The following ADARB1 variants were observed in gnomAD, a reference collection of about 807,000 sequenced individuals.
ADARB1 encodes the protein adenosine deaminase RNA specific B1.
In ADARB1, 10 loss-of-function variants were observed where a neutral mutation model predicts 52.4. The ratio of observed to expected loss-of-function variants is 0.19; its 90% CI spans 0.12 to 0.32. The LOEUF (loss-of-function observed/expected upper bound fraction) is 0.32. Ranked by LOEUF, ADARB1 falls within the 10% of genes least tolerant of loss-of-function variation. The probability of loss-of-function intolerance (pLI) is 1.00; values close to 1 mark genes in which losing one functional copy is unlikely to be tolerated. For missense variants in ADARB1, 643 were observed against 922.3 expected (o/e 0.70, Z 3.92); for synonymous variants, 349 against 371.1 (o/e 0.94, Z 0.68).
At position 45,204,808 on chromosome 21, in the gene ADARB1, A is replaced by G. The variant is rs544628519; in HGVS notation, c.1747+72A>G. 4 of 1,499,606 alleles carry G rather than the reference A, an allele frequency of 2.7e-6. No homozygotes were observed. Among genetic ancestry groups the G allele is most frequent in the Middle Eastern group, 3.5e-4 (2 of 5,720 alleles). 92.9% of individuals were successfully genotyped at this position (1,499,606 alleles called of 1,614,324 possible). A position where few individuals can be genotyped will look rare whatever the true frequency, so the allele number is the denominator to read the frequency against. The stretch of plus-strand genomic sequence containing the variant: ...CAATGTTTTCATCCTCATGAATGAA[A>G]AAAACACCACCTGAGCTGCTCTGTG... On this transcript the variant is annotated intron_variant, in intron 9 of 10. Transcript: ENST00000348831. The surrounding 1 kb of genome is among the most constrained non-coding windows in gnomAD (Gnocchi z 4.4).
intron 8 of ADARB1, among the ~76,000 whole-genome samples, chr21:45,201,946 T>TG (rs2092563345): frequency 6.6e-6 from 1 of 152,072 alleles, no homozygotes; most frequent in South Asian, 2.1e-4. Context: ...GGTGGACCTG[T>TG]GGACAGAAGC....
intron 2 of ADARB1, among the ~76,000 whole-genome samples, chr21:45,151,249 G>A (rs951680626): frequency 6.6e-6 from 1 of 152,206 alleles, no homozygotes; most frequent in Admixed American, 6.5e-5. Flanking sequence ...AGATGCTGAG[G>A]CAATAGAAAA....
chr21:45,225,192 CAGGT>C lies in ADARB1; in HGVS notation c.*2996_*2999del. 9.5e-7 allele frequency: 1 copy of C among 1,049,310 alleles called. No individual in the cohort carries two copies. Among genetic ancestry groups the C allele is most frequent in the Non-Finnish European group, 1.1e-6 (1 of 872,552 alleles). 65.0% of individuals were successfully genotyped at this position (1,049,310 alleles called of 1,614,324 possible). ...ACAGAGTCCTGCTAGTGGGAGGTCT[CAGGT>C]GGGGCGGTGTGTTCTGTGCCATGAG... On this transcript the variant is annotated 3_prime_UTR_variant, in exon 11 of 11. Transcript: ENST00000348831.
chr21:45,075,441 C>T (rs922305436), intron 1 of ADARB1, among the ~76,000 whole-genome samples: 2 of 151,906 alleles, frequency 1.3e-5, no homozygotes, highest in African/African-American at 2.4e-5. Context: ...GACGAGTCTG[C>T]GCCCTGGACG....
rs775309350 is a variant in ADARB1, at chr21:45,098,133, C to T, written c.-220+23340C>T. ...TCCCACCCGGGTGCTTGCCTTTCCA[C>T]GTCTCCCTGCTGTCCAGCAGCTGGC... On this transcript the variant is annotated intron_variant, in intron 1 of 10. Transcript: ENST00000348831. 2.7e-4 allele frequency among the ~76,000 whole-genome samples: 41 copies of T among 152,172 alleles called. 1 individual carries two copies. The highest frequency in any genetic ancestry group is 5.3e-4 in the Non-Finnish European group (36 of 68,038).
rs1434487446 is a variant in ADARB1 at position 45,156,666 on chromosome 21, C to G, written c.-47-14944C>G. 4.6e-5 allele frequency among the ~76,000 whole-genome samples: 7 copies of G among 150,732 alleles called. No homozygotes were observed. In the Admixed American group the frequency reaches 4.6e-4, roughly 10 times the overall value. On this transcript the variant is annotated intron_variant, in intron 2 of 10. Coordinates refer to ENST00000348831, the MANE Select transcript of ADARB1 (RefSeq NM_001112.4). The stretch of plus-strand genomic sequence containing the variant: ...CATCTGTCATCCATTCATCCATCCA[C>G]CCCCCCACGCACCCACTTCTCTACA...
At chr21:45,175,482 G>T (rs1299115384) in intron 3 of ADARB1, among the ~76,000 whole-genome samples, 2 of 152,154 alleles carry the variant, frequency 1.3e-5, no homozygotes, top group Non-Finnish European at 2.9e-5. Flanking sequence ...ACTTTTTAAA[G>T]CAAAAGCAGT....
In ADARB1 at chr21:45,220,643, G is replaced by C. The variant is rs766328353; in HGVS notation, c.1748-193G>C. 6.6e-6 allele frequency among the ~76,000 whole-genome samples: 1 copy of C among 152,190 alleles called. No homozygotes were observed. The highest frequency in any genetic ancestry group is 1.5e-5 in the Non-Finnish European group (1 of 68,030). On this transcript the variant is annotated intron_variant, in intron 9 of 10. Transcript: ENST00000348831. This position sits in a 1 kb window ranked among gnomAD's most constrained non-coding sequence, Gnocchi z 6.3. ...GCTTTCTCAGCACTGCTCCTATTCT[G>C]GTGGCCGTGGAAGAGTGTGAGGCCA...
At position 45,220,859 on chromosome 21, in the gene ADARB1, C is replaced by G; in HGVS notation, c.1771C>G (p.Gln591Glu). 6.2e-7 allele frequency: 1 copy of G among 1,613,348 alleles called. No homozygotes were observed. Among genetic ancestry groups the G allele is most frequent in the Non-Finnish European group, 8.5e-7 (1 of 1,179,850 alleles). Residue 591 changes from glutamine to glutamate, a missense_variant, in exon 10 of 11, where the codon CAG becomes GAG. Gln to Glu is a conservative substitution (Grantham distance 29, BLOSUM62 2). Around this residue, in one of 2 missense-constraint regions of ADARB1, gnomAD observed 263 missense variants for 475.8 expected, o/e 0.55. Transcript: ENST00000348831. This position sits in a 1 kb window ranked among gnomAD's most constrained non-coding sequence, Gnocchi z 6.3. ...LSGISNAEARQPGKAPNFSVN... is the reference protein window; with the variant it reads ...LSGISNAEAREPGKAPNFSVN... ...AGGCATCAGCAATGCAGAAGCACGG[C>G]AGCCAGGGAAGGCCCCCAACTTCAG...
At chr21:45,089,572 T>C (rs985483303) in intron 1 of ADARB1, among the ~76,000 whole-genome samples, 2 of 152,244 alleles carry the variant, frequency 1.3e-5, no homozygotes, top group African/African-American at 4.8e-5. Context: ...TATTTTTCTT[T>C]AATTTCTTCT....
At chr21:45,173,805 A>G (rs2091581507) in intron 3 of ADARB1, among the ~76,000 whole-genome samples, 3 of 151,868 alleles carry the variant, frequency 2.0e-5, no homozygotes. Flanking sequence ...ATAAATGAAA[A>G]TTTAGTGTCC....
At chr21:45,152,632 T>G in intron 2 of ADARB1, 1 of 450,056 alleles carries the variant, frequency 2.2e-6, no homozygotes, top group Non-Finnish European at 4.5e-6. Context: ...CCACTGGGCC[T>G]TTGCACATGG....
At chr21:45,141,329 C>A (rs900467386) in intron 2 of ADARB1, among the ~76,000 whole-genome samples, 12 of 152,176 alleles carry the variant, frequency 7.9e-5, no homozygotes, top group African/African-American at 2.9e-4. Flanking sequence ...CTCTCATGAT[C>A]TAAATATGTA....
chr21:45,202,755 G>A (rs1183641616), intron 8 of ADARB1, among the ~76,000 whole-genome samples: 7 of 149,118 alleles, frequency 4.7e-5, no homozygotes, highest in East Asian at 2.0e-4. Flanking sequence ...CCTGCAGTGC[G>A]TGCCACACTG....
intron 1 of ADARB1, among the ~76,000 whole-genome samples, chr21:45,116,310 G>A (rs180833579): frequency 2.6e-5 from 4 of 152,364 alleles, no homozygotes; most frequent in Admixed American, 1.3e-4. Flanking sequence ...GCACCCCTGC[G>A]TGCCTTCCCT....
intron 1 of ADARB1, among the ~76,000 whole-genome samples, chr21:45,110,338 C>G (rs2087477718): frequency 6.6e-6 from 1 of 152,070 alleles, no homozygotes; most frequent in Admixed American, 6.6e-5. Context: ...TCTTATTTCC[C>G]ACGAATTTGA....
At chr21:45,169,783 C>CA (rs1327096569) in intron 2 of ADARB1, among the ~76,000 whole-genome samples, 1 of 152,214 alleles carries the variant, frequency 6.6e-6, no homozygotes, top group Non-Finnish European at 1.5e-5. Context: ...GCCTTGCCAT[C>CA]ACTTTGCCTG....
At chr21:45,197,966 A>G (rs1162338245) in intron 8 of ADARB1, among the ~76,000 whole-genome samples, 2 of 152,136 alleles carry the variant, frequency 1.3e-5, no homozygotes, top group Non-Finnish European at 2.9e-5. Flanking sequence ...ACATGGGTAC[A>G]TACAAATGTC....
chr21:45,147,953 A>G (rs2090089106), intron 2 of ADARB1, among the ~76,000 whole-genome samples: 1 of 151,612 alleles, frequency 6.6e-6, no homozygotes, highest in African/African-American at 2.4e-5. Flanking sequence ...GCCTGTGCCA[A>G]CTGCCTGGTG....
Sources: allele counts gnomAD v4.1 joint callset (sites outside exome capture counted in the v4.1 genomes callset), GRCh38; gene constraint gnomAD v4.1.1; regional missense constraint gnomAD v4.1.1; non-coding constraint Gnocchi (gnomAD v3.1); transcripts MANE v1.5; gene names NCBI Gene and HGNC (gene_info 2026-07-23, HGNC 2026-07-21).